Variants in NEDD9 observed in about 807,000 individuals in gnomAD.
The protein encoded by NEDD9 is enhancer of filamentation 1.
A neutral mutation model predicts 76.6 loss-of-function variants in NEDD9; 26 were observed. That is an observed-to-expected ratio of 0.34 (90% CI 0.25 to 0.47). NEDD9 has a LOEUF of 0.47. NEDD9 is among the 20% of genes least tolerant of loss of function. The probability of loss-of-function intolerance (pLI) is 1.00; values close to 1 mark genes in which losing one functional copy is unlikely to be tolerated. For missense variants in NEDD9, 937 were observed against 1,058.5 expected, an observed-to-expected ratio of 0.89 and a Z score of 1.59; for synonymous variants, 392 against 414.2, an observed-to-expected ratio of 0.95 and a Z score of 0.65.
chr6:11,274,169 A>G (rs1167117647), intron 3 of NEDD9, among the ~76,000 whole-genome samples: 1 of 152,228 alleles, frequency 6.6e-6, no homozygotes, highest in African/African-American at 2.4e-5. Context: ...CCTCATTTGC[A>G]CATATCTCAA....
intron 3 of NEDD9, among the ~76,000 whole-genome samples, chr6:11,297,914 T>TTC (rs1475755964): frequency 1.3e-5 from 2 of 150,372 alleles, no homozygotes; most frequent in East Asian, 1.9e-4. Context: ...TTCTTTTCTT[T>TTC]TTTTTTTTTT....
At chr6:11,333,840 T>C (rs1021056769) in intron 2 of NEDD9, among the ~76,000 whole-genome samples, 1 of 152,238 alleles carries the variant, frequency 6.6e-6, no homozygotes, top group African/African-American at 2.4e-5. Context: ...CCCTGAACAG[T>C]GCTTATGTTC....
chr6:11,199,931 C>T (rs34719056), intron 2 of NEDD9: 35,272 of 154,460 alleles, frequency 0.23, 4,846 homozygotes, highest in South Asian at 0.44. Context: ...CCTCGGCCTC[C>T]GAAAGTGCTG....
At chr6:11,281,744 T>A (rs946840287) in intron 3 of NEDD9, among the ~76,000 whole-genome samples, 16 of 152,180 alleles carry the variant, frequency 1.1e-4, no homozygotes, top group South Asian at 6.2e-4. Flanking sequence ...ACTCTTTTTT[T>A]ATATATTTTT....
At chr6:11,218,964 A>G (rs1035605682) in intron 1 of NEDD9, among the ~76,000 whole-genome samples, 2 of 152,178 alleles carry the variant, frequency 1.3e-5, no homozygotes, top group African/African-American at 4.8e-5. Context: ...ATTAAACACA[A>G]TGGTCTCTTT....
At chr6:11,339,171 A>T (rs919443300) in intron 1 of NEDD9, among the ~76,000 whole-genome samples, 2 of 152,150 alleles carry the variant, frequency 1.3e-5, no homozygotes, top group African/African-American at 4.8e-5. Flanking sequence ...CATTTTTCTC[A>T]TAATTGTCAT....
intron 1 of NEDD9, among the ~76,000 whole-genome samples, chr6:11,379,539 A>G (rs1395094032): frequency 6.6e-6 from 1 of 152,174 alleles, no homozygotes; most frequent in East Asian, 1.9e-4. Flanking sequence ...AGTGAGCCAC[A>G]CTGCACTCTA....
chr6:11,346,091 T>C (rs373823018), intron 1 of NEDD9, among the ~76,000 whole-genome samples: 42 of 152,366 alleles, frequency 2.8e-4, no homozygotes, highest in East Asian at 2.3e-3. Flanking sequence ...TGTTTATTTA[T>C]TTATTTGGCT....
At chr6:11,378,885 G>C (rs1432390890) in intron 1 of NEDD9, among the ~76,000 whole-genome samples, 1 of 152,206 alleles carries the variant, frequency 6.6e-6, no homozygotes, top group Non-Finnish European at 1.5e-5. Flanking sequence ...ACATTGCTGA[G>C]TTACATCGGA....
chr6:11,275,123 G>T (rs1337250547), intron 3 of NEDD9, among the ~76,000 whole-genome samples: 1 of 152,220 alleles, frequency 6.6e-6, no homozygotes, highest in Non-Finnish European at 1.5e-5. Context: ...AGGACATTTT[G>T]CTCAGGGGAA....
At chr6:11,349,202 A>C (rs1309972997) in intron 1 of NEDD9, among the ~76,000 whole-genome samples, 1 of 152,246 alleles carries the variant, frequency 6.6e-6, no homozygotes, top group Admixed American at 6.5e-5. Flanking sequence ...AGAAAGGCAC[A>C]TCAAAACTAC....
chr6:11,323,506 C>T (rs1201474202), intron 2 of NEDD9, among the ~76,000 whole-genome samples: 6 of 152,312 alleles, frequency 3.9e-5, no homozygotes, highest in Admixed American at 1.3e-4. Flanking sequence ...CATCTAGCAA[C>T]GTCTGGAGAC....
chr6:11,352,857 T>C (rs1323638346), intron 1 of NEDD9: 1 of 152,260 alleles, frequency 6.6e-6, no homozygotes, highest in Non-Finnish European at 1.5e-5. Context: ...TCTCATTATT[T>C]AATCAGAGCC....
At chr6:11,320,569 G>A (rs1426743213) in intron 2 of NEDD9, among the ~76,000 whole-genome samples, 3 of 152,198 alleles carry the variant, frequency 2.0e-5, no homozygotes, top group Non-Finnish European at 4.4e-5. Flanking sequence ...ACTGGCACAT[G>A]TGCAGGAAGA....
chr6:11,263,652 T>C (rs987850068), intron 3 of NEDD9, among the ~76,000 whole-genome samples: 4 of 152,186 alleles, frequency 2.6e-5, no homozygotes, highest in African/African-American at 9.6e-5. Flanking sequence ...TTTGACATCA[T>C]GAGGTCATTG....
rs1012291339 is a variant in NEDD9 at position 11,192,387 on chromosome 6, C to A, written c.621G>T (p.Glu207Asp). The A allele has an allele frequency of 1.2e-6, 2 of 1,606,362 alleles. No homozygotes were observed. Among genetic ancestry groups the A allele is most frequent in the Admixed American group, 3.4e-5 (2 of 58,046 alleles). ...TGTCATACACCCCTTGAGGTTTTAT[C>A]TCTCCCACTGGAACTGAAAACACAG... ...KGPVFSVPVG[E>D]IKPQGVYDIP... The change falls in exon 4 of 7, where the codon GAG becomes GAT. Residue 207 changes from glutamate to aspartate, a missense_variant. Coordinates refer to ENST00000379446, the MANE Select transcript of NEDD9 (RefSeq NM_006403.4).
chr6:11,355,038 C>G (rs1031632325), intron 1 of NEDD9, among the ~76,000 whole-genome samples: 4 of 152,176 alleles, frequency 2.6e-5, no homozygotes, highest in African/African-American at 9.7e-5. Context: ...TTTTCTTTTA[C>G]TGGCAAGCTA....
chr6:11,200,767 T>C, intron 2 of NEDD9: 1 of 1,414,362 alleles, frequency 7.1e-7, no homozygotes, highest in Non-Finnish European at 9.2e-7. Flanking sequence ...TGTAGAGTTC[T>C]TGGGGTTACT....
At chr6:11,363,737 C>G (rs1330807337) in intron 1 of NEDD9, among the ~76,000 whole-genome samples, 1 of 152,114 alleles carries the variant, frequency 6.6e-6, no homozygotes, top group African/African-American at 2.4e-5. Context: ...GATGCATGAA[C>G]CTTTTTTGGG....
Sources: gnomAD v4.1 joint callset for allele counts (sites outside exome capture counted in the v4.1 genomes callset) on GRCh38, gnomAD v4.1.1 for gene constraint, MANE v1.5 for transcripts, NCBI Gene and HGNC (gene_info 2026-07-23, HGNC 2026-07-21) for gene names.